NFIB: variants seen among roughly 807,000 people sequenced by gnomAD.
NFIB encodes nuclear factor 1 B-type.
Under a neutral mutation model 61.5 loss-of-function variants are expected in NFIB, and 11 were observed. The ratio of observed to expected loss-of-function variants is 0.18; its 90% confidence interval spans 0.11 to 0.30. The LOEUF (loss-of-function observed/expected upper bound fraction) is 0.30, where lower values mean the gene tolerates loss of function less well. Among genes scored for constraint, NFIB ranks in the 10% least tolerant of loss-of-function variants. The pLI is 1.00. For missense variants in NFIB, 471 were observed against 608.9 expected (o/e 0.77, Z 2.38); for synonymous variants, 260 against 216.5 (o/e 1.20, Z -1.76).
chr9:14,147,398 G>C (rs182277100), intron 5 of NFIB, among the ~76,000 whole-genome samples: 66 of 152,154 alleles, frequency 4.3e-4, no homozygotes, highest in Non-Finnish European at 8.8e-4. Context: ...AGTAAAATGA[G>C]TTGTTAAATG....
the NFIB span, among the ~76,000 whole-genome samples, chr9:14,514,065 A>T: frequency 6.6e-6 from 1 of 152,182 alleles, no homozygotes; most frequent in Non-Finnish European, 1.5e-5. Flanking sequence ...CATGGCAGCT[A>T]GAGAATTCAG....
At chr9:14,175,167 CTTTTT>C (rs55765054) in intron 3 of NFIB, among the ~76,000 whole-genome samples, 9 of 126,032 alleles carry the variant, frequency 7.1e-5, no homozygotes, top group African/African-American at 2.6e-4. Context: ...TAAAGAATTT[CTTTTT>C]TTTTTTTTTT....
At chr9:14,417,690 C>T in the NFIB span, among the ~76,000 whole-genome samples, 12 of 150,848 alleles carry the variant, frequency 8.0e-5, no homozygotes, top group Non-Finnish European at 1.5e-4. Context: ...TCAAAATCAT[C>T]TGGGGTATTA....
At chr9:14,505,341 T>G in the NFIB span, among the ~76,000 whole-genome samples, 1 of 152,132 alleles carries the variant, frequency 6.6e-6, no homozygotes, top group Non-Finnish European at 1.5e-5. Context: ...CTTCCCTGGT[T>G]TTAGTATTAG....
the NFIB span, among the ~76,000 whole-genome samples, chr9:14,450,498 A>T: frequency 6.6e-6 from 1 of 152,204 alleles, no homozygotes; most frequent in Non-Finnish European, 1.5e-5. Context: ...AATAATAGAT[A>T]ATTTCAAAAG....
chr9:14,266,284 A>T (rs781068136), intron 2 of NFIB, among the ~76,000 whole-genome samples: 1 of 152,140 alleles, frequency 6.6e-6, no homozygotes, highest in Non-Finnish European at 1.5e-5. Flanking sequence ...CATGTGATCT[A>T]TGGCTTATTT....
At chr9:14,204,557 C>CCAGAGACAAAGCAAGAGAAGAAG in intron 2 of NFIB, 1 of 1,366,486 alleles carries the variant, frequency 7.3e-7, no homozygotes, top group Non-Finnish European at 1.0e-6. Flanking sequence ...CAAGTACAGA[C>CCAGAGACAAAGCAAGAGAAGAAG]CAGAGACAAA....
intron 2 of NFIB, among the ~76,000 whole-genome samples, chr9:14,208,452 G>A (rs1306733601): frequency 2.0e-5 from 3 of 152,074 alleles, no homozygotes; most frequent in African/African-American, 7.2e-5. Flanking sequence ...TGTCTCAAAT[G>A]TGAGTATGAA....
At chr9:14,476,240 C>T in the NFIB span, among the ~76,000 whole-genome samples, 2 of 146,732 alleles carry the variant, frequency 1.4e-5, no homozygotes, top group Admixed American at 6.8e-5. Context: ...TTTTTCTAAG[C>T]TTTTTGTTTT....
Position 14,346,293 on chromosome 9 carries a change from C to CG in NFIB, c.109-38774_109-38773insC, listed in dbSNP as rs973168736. The stretch of plus-strand genomic sequence containing the variant: ...GCAGTCACACGAGGTAACCGACACC[C>CG]CCCCCCCGTAACCTGAGCTAAAGGT... On this transcript the variant is annotated intron_variant, in intron 1 of 8. Transcript: ENST00000380934. Among the ~76,000 whole-genome samples the CG allele has an allele frequency of 5.9e-5, 8 of 136,392 alleles. 1 individual carries two copies. The highest frequency in any genetic ancestry group is 2.8e-4 in the South Asian group (1 of 3,632). 89.5% of individuals were successfully genotyped at this position (136,392 alleles called of 152,430 possible).
chr9:14,252,292 TA>T (rs1196106628), intron 2 of NFIB, among the ~76,000 whole-genome samples: 1 of 152,220 alleles, frequency 6.6e-6, no homozygotes, highest in Non-Finnish European at 1.5e-5. Flanking sequence ...ATATTTTTAA[TA>T]TTCCTCATTA....
chr9:14,104,045 G>A (rs1173240191), intron 10 of NFIB, among the ~76,000 whole-genome samples: 1 of 151,780 alleles, frequency 6.6e-6, no homozygotes, highest in Non-Finnish European at 1.5e-5. Context: ...AGCTTCCCAA[G>A]TAGCTGGGAT....
intron 2 of NFIB, among the ~76,000 whole-genome samples, chr9:14,272,884 C>T (rs1030723632): frequency 6.6e-6 from 1 of 151,996 alleles, no homozygotes; most frequent in African/African-American, 2.4e-5. Flanking sequence ...GAGTCTAATG[C>T]TGAGTTGATT....
chr9:14,108,349 G>C (rs1386001384), intron 10 of NFIB, among the ~76,000 whole-genome samples: 1 of 151,916 alleles, frequency 6.6e-6, no homozygotes, highest in African/African-American at 2.4e-5. Context: ...CCAAGCTTTG[G>C]CTTTGCCATT....
the NFIB span, among the ~76,000 whole-genome samples, chr9:14,473,253 C>T: frequency 6.6e-6 from 1 of 152,320 alleles, no homozygotes. Flanking sequence ...AAATGTTATA[C>T]ATACAACCTT....
At chr9:14,421,977 A>C in the NFIB span, among the ~76,000 whole-genome samples, 1 of 152,000 alleles carries the variant, frequency 6.6e-6, no homozygotes, top group Non-Finnish European at 1.5e-5. Context: ...ACTTCATTTT[A>C]CTCAGACCAA....
intron 2 of NFIB, among the ~76,000 whole-genome samples, chr9:14,238,628 G>C (rs1563933542): frequency 6.6e-6 from 1 of 152,262 alleles, no homozygotes; most frequent in East Asian, 1.9e-4. Context: ...CCCTGCAGCT[G>C]AGGGCTTACA....
chr9:14,159,694 G>A (rs942704761), intron 3 of NFIB, among the ~76,000 whole-genome samples: 1 of 152,206 alleles, frequency 6.6e-6, no homozygotes, highest in Admixed American at 6.5e-5. Context: ...ATACCTACTA[G>A]TGCTTACTCA....
At chr9:14,365,208 C>T (rs1310455079) in intron 1 of NFIB, among the ~76,000 whole-genome samples, 3 of 152,078 alleles carry the variant, frequency 2.0e-5, no homozygotes, top group South Asian at 2.1e-4. Flanking sequence ...AAATAAATTT[C>T]GAGACCACCG....
Sources: allele counts gnomAD v4.1 joint callset (sites outside exome capture counted in the v4.1 genomes callset), GRCh38; gene constraint gnomAD v4.1.1; transcripts MANE v1.5; gene names NCBI Gene and HGNC (gene_info 2026-07-23, HGNC 2026-07-21).